Variants in CAMK4 observed in about 807,000 individuals in gnomAD.
The protein encoded by CAMK4 is calcium/calmodulin-dependent protein kinase type IV.
Under a neutral mutation model 44.9 loss-of-function variants are expected in CAMK4, and 22 were observed. That is an observed-to-expected ratio of 0.49 (90% CI 0.35 to 0.70). CAMK4 has a LOEUF of 0.70. Ranked by LOEUF, CAMK4 falls within the 30% of genes least tolerant of loss-of-function variation. CAMK4 has a pLI of 0.01. For synonymous variants in CAMK4, 218 were observed against 215.4 expected, an observed-to-expected ratio of 1.01 and a Z score of -0.11; for missense variants, 498 against 586.8, an observed-to-expected ratio of 0.85 and a Z score of 1.56.
At chr5:111,327,012 TTTA>T (rs2112709519) in intron 1 of CAMK4, among the ~76,000 whole-genome samples, 1 of 151,874 alleles carries the variant, frequency 6.6e-6, no homozygotes, top group African/African-American at 2.4e-5. Flanking sequence ...TTTTTTAAAT[TTTA>T]TTATTATTAT....
In CAMK4 at chr5:111,282,483, G is replaced by T. The variant is rs1047279295; in HGVS notation, c.161+57839G>T. 2.0e-5 allele frequency among the ~76,000 whole-genome samples: 3 copies of T among 152,102 alleles called. No individual in the cohort carries two copies. In the East Asian group the frequency reaches 5.8e-4, roughly 29 times the overall value. ...TCATTTTAAAAGTAGAACTTTTTGC[G>T]TGAATCAGTTAAATCACATTTTTCT... On this transcript the variant is annotated intron_variant, in intron 1 of 10. Transcript: ENST00000282356.
intron 5 of CAMK4, among the ~76,000 whole-genome samples, chr5:111,405,932 G>A (rs1752408324): frequency 6.6e-6 from 1 of 152,174 alleles, no homozygotes; most frequent in Non-Finnish European, 1.5e-5. Flanking sequence ...CAAGATCTAT[G>A]AGTGTTACAT....
At chr5:111,392,595 T>A (rs1302371740) in intron 4 of CAMK4, among the ~76,000 whole-genome samples, 1 of 150,840 alleles carries the variant, frequency 6.6e-6, no homozygotes, top group Non-Finnish European at 1.5e-5. Flanking sequence ...GGAAAAAAAA[T>A]TAAAATTAAA....
chr5:111,277,624 G>C (rs185534050), intron 1 of CAMK4: 1 of 152,100 alleles, frequency 6.6e-6, no homozygotes, highest in Non-Finnish European at 1.5e-5. Context: ...AACCAATATA[G>C]TTTTTAGATG....
chr5:111,441,110 C>T (rs951414197), intron 5 of CAMK4, among the ~76,000 whole-genome samples: 1 of 152,160 alleles, frequency 6.6e-6, no homozygotes, highest in Non-Finnish European at 1.5e-5. Flanking sequence ...AAGCACCACT[C>T]ATGAAGTCTT....
intron 5 of CAMK4, among the ~76,000 whole-genome samples, chr5:111,428,673 G>A (rs1753319528): frequency 6.6e-6 from 1 of 152,242 alleles, no homozygotes; most frequent in Admixed American, 6.5e-5. Flanking sequence ...CAGGCTGATT[G>A]AAAATACACA....
chr5:111,409,398 C>T (rs967322557), intron 5 of CAMK4, among the ~76,000 whole-genome samples: 1 of 152,192 alleles, frequency 6.6e-6, no homozygotes, highest in Admixed American at 6.5e-5. Context: ...GCTGAAGCAG[C>T]TGGGACACAA....
intron 5 of CAMK4, among the ~76,000 whole-genome samples, chr5:111,433,196 G>A (rs1753523903): frequency 6.6e-6 from 1 of 152,136 alleles, no homozygotes; most frequent in African/African-American, 2.4e-5. Flanking sequence ...TTTGGGTCAG[G>A]ACTGCTCCAT....
chr5:111,325,853 T>C (rs1748864110), intron 1 of CAMK4, among the ~76,000 whole-genome samples: 1 of 152,022 alleles, frequency 6.6e-6, no homozygotes, highest in Non-Finnish European at 1.5e-5. Flanking sequence ...GAGTGAACCA[T>C]GGGATAAAGC....
rs985071500 is a variant in CAMK4, at chr5:111,389,144, CTGCTTTT to C, written c.387-5563_387-5557del. Among the ~76,000 whole-genome samples, 8 of 152,246 alleles carry C rather than the reference CTGCTTTT, an allele frequency of 5.3e-5. 1 individual carries two copies. The East Asian group carries it at 5.8e-4, about 11-fold the overall frequency. ...AGCAGATTCAATGCCTGCTGAGGGGCTGCTTTTTGATTCATGGATGGCACTTTCTAGC... is the reference window on the plus strand; with the variant it reads ...AGCAGATTCAATGCCTGCTGAGGGGCTGATTCATGGATGGCACTTTCTAGC... On this transcript the variant is annotated intron_variant, in intron 4 of 10. Coordinates refer to ENST00000282356, the MANE Select transcript of CAMK4 (RefSeq NM_001744.6).
At chr5:111,439,318 C>G (rs1753748603) in intron 5 of CAMK4, among the ~76,000 whole-genome samples, 1 of 152,046 alleles carries the variant, frequency 6.6e-6, no homozygotes, top group Non-Finnish European at 1.5e-5. Flanking sequence ...GACAGCTAAG[C>G]TGGTTATTAG....
chr5:111,389,608 C>A (rs547200855), intron 4 of CAMK4, among the ~76,000 whole-genome samples: 2 of 152,140 alleles, frequency 1.3e-5, no homozygotes, highest in Non-Finnish European at 2.9e-5. Context: ...TGAGTAGTGC[C>A]CTCTGGAAAA....
chr5:111,474,490 A>G (rs116620582), intron 8 of CAMK4, among the ~76,000 whole-genome samples: 1,713 of 152,154 alleles, frequency 0.011, 38 homozygotes, highest in African/African-American at 0.039. Context: ...GGAAGACCCC[A>G]CTCTCATGAC....
At position 111,224,545 on chromosome 5, in the gene CAMK4, CG is replaced by C; in HGVS notation, c.64del (p.Ala22ProfsTer21). On this transcript the variant is annotated frameshift_variant, in exon 1 of 11. Coordinates refer to ENST00000282356, the MANE Select transcript of CAMK4 (RefSeq NM_001744.6). LOFTEE classifies it high-confidence loss of function. The surrounding 1 kb of genome is among the most constrained non-coding windows in gnomAD (Gnocchi z 5.7). ...ASSCSSVTAS[A>X]APGTASLVPD... The stretch of plus-strand genomic sequence containing the variant: ...TCCTGCTCTTCGGTCACCGCCAGTG[CG>C]GCCCCGGGGACCGCGAGCCTCGTCC... 1 of 1,611,018 alleles carries C rather than the reference CG, an allele frequency of 6.2e-7. No individual in the cohort carries two copies. Among genetic ancestry groups the C allele is most frequent in the Non-Finnish European group, 8.5e-7 (1 of 1,179,218 alleles).
In CAMK4 at chr5:111,434,816, T is replaced by A. The variant is rs376851916; in HGVS notation, c.460-11870T>A. ...AGTAGAAAAGAGTAAATTCATGTAGTTTAATTTTTCTTTCCATCAAGAAAA... is the reference window on the plus strand; with the variant it reads ...AGTAGAAAAGAGTAAATTCATGTAGATTAATTTTTCTTTCCATCAAGAAAA... On this transcript the variant is annotated intron_variant, in intron 5 of 10. Coordinates refer to ENST00000282356, the MANE Select transcript of CAMK4 (RefSeq NM_001744.6). Among the ~76,000 whole-genome samples, 52 of 152,286 alleles carry A rather than the reference T, an allele frequency of 3.4e-4. No individual in the cohort carries two copies. The South Asian group carries it at 0.01, about 30-fold the overall frequency.
intron 1 of CAMK4, among the ~76,000 whole-genome samples, chr5:111,230,059 T>C (rs1185452903): frequency 6.6e-6 from 1 of 152,180 alleles, no homozygotes; most frequent in East Asian, 1.9e-4. Context: ...CGCTTCCTCT[T>C]CTTTGAGGTC....
chr5:111,447,675 G>T (rs1754076907), intron 6 of CAMK4, among the ~76,000 whole-genome samples: 1 of 152,082 alleles, frequency 6.6e-6, no homozygotes, highest in Non-Finnish European at 1.5e-5. Context: ...TCCTCTGAAG[G>T]GCATTGCTCT....
At chr5:111,318,583 C>A (rs1228845734) in intron 1 of CAMK4, among the ~76,000 whole-genome samples, 4 of 152,102 alleles carry the variant, frequency 2.6e-5, no homozygotes, top group Non-Finnish European at 5.9e-5. Flanking sequence ...TGATACCAGT[C>A]CTAGGCAATT....
chr5:111,316,642 A>G (rs1460772370), intron 1 of CAMK4, among the ~76,000 whole-genome samples: 1 of 152,110 alleles, frequency 6.6e-6, no homozygotes, highest in Non-Finnish European at 1.5e-5. Flanking sequence ...CAACTGCGTT[A>G]TTTGTTTAAA....
Sources: gnomAD v4.1 joint callset for allele counts (sites outside exome capture counted in the v4.1 genomes callset) on GRCh38, gnomAD v4.1.1 for gene constraint, Gnocchi (gnomAD v3.1) non-coding constraint, MANE v1.5 for transcripts, NCBI Gene and HGNC (gene_info 2026-07-23, HGNC 2026-07-21) for gene names.